Variants in ADGRV1 observed in about 807,000 individuals in gnomAD.
ADGRV1 encodes the protein G-protein coupled receptor 98.
ADGRV1 carries 359 observed loss-of-function variants against 596.2 expected under a neutral mutation model. That is an observed-to-expected ratio of 0.60 (90% confidence interval 0.55 to 0.66). The LOEUF (loss-of-function observed/expected upper bound fraction) is 0.66. Ranked by LOEUF, ADGRV1 falls within the 30% of genes least tolerant of loss-of-function variation. ADGRV1 has a pLI of 0.00. For synonymous variants in ADGRV1, 2,681 were observed against 2,679.2 expected, an observed-to-expected ratio of 1.00 and a Z score of -0.02; for missense variants, 7,274 against 7,575.6, an observed-to-expected ratio of 0.96 and a Z score of 1.48.
intron 59 of ADGRV1, among the ~76,000 whole-genome samples, chr5:90,765,470 C>CACACACACAG (rs546930616): frequency 1.0e-3 from 153 of 149,454 alleles, no homozygotes; most frequent in East Asian, 4.0e-3. Flanking sequence ...CACACACACA[C>CACACACACAG]AAACTCTAGA....
chr5:90,893,081 C>G (rs1241252026), intron 83 of ADGRV1, among the ~76,000 whole-genome samples: 1 of 152,006 alleles, frequency 6.6e-6, no homozygotes, highest in African/African-American at 2.4e-5. Context: ...AGTGGCTTTG[C>G]TAGGGAGTTT....
intron 6 of ADGRV1, 87 bp downstream of exon 6, chr5:90,625,330 C>A: frequency 2.8e-6 from 2 of 723,648 alleles, no homozygotes; most frequent in South Asian, 1.8e-5. Flanking sequence ...TGTGGCCAGT[C>A]GCACCTCAGC....
chr5:91,154,029 G>A (rs1332947740), intron 89 of ADGRV1, among the ~76,000 whole-genome samples: 2 of 152,222 alleles, frequency 1.3e-5, no homozygotes, highest in Non-Finnish European at 2.9e-5. Flanking sequence ...GAAACAGTTA[G>A]TGGATATCAT....
intron 85 of ADGRV1, among the ~76,000 whole-genome samples, chr5:91,043,896 A>G (rs902480814): frequency 6.6e-6 from 1 of 151,544 alleles, no homozygotes; most frequent in Non-Finnish European, 1.5e-5. Flanking sequence ...TAAAACCTTG[A>G]CCACCATCCA....
chr5:91,068,806 A>AAC (rs1183376792), intron 85 of ADGRV1, among the ~76,000 whole-genome samples: 1 of 102,384 alleles, frequency 9.8e-6, no homozygotes, highest in African/African-American at 3.6e-5. Context: ...ATATGAAACA[A>AAC]AAAAAAAAAA....
In ADGRV1 at chr5:91,163,893, A is replaced by T. The variant is rs1218864206; in HGVS notation, c.18914A>T (p.His6305Leu). Residue 6305 changes from histidine (H) to leucine (L), a missense_variant, in exon 90 of 90, where the codon CAC becomes CTC. By Grantham distance (99) the His-to-Leu change is moderately conservative (BLOSUM62 -3). This residue lies in a region of ADGRV1 where 1,874 missense variants were observed against 1,970.2 expected (regional missense o/e 0.95). Coordinates refer to ENST00000405460, the MANE Select transcript of ADGRV1 (RefSeq NM_032119.4). ...ELRRIPIADTHL is the reference protein window; with the variant it reads ...ELRRIPIADTLL ...AGGAGGATACCCATCGCCGACACTC[A>T]CCTGTAGCACCTCACTAACCATTCG... is the stretch of plus-strand genomic sequence containing the variant. 6.9e-7 allele frequency: 1 copy of T among 1,459,478 alleles called. No individual in the cohort carries two copies. The highest frequency in any genetic ancestry group is 2.3e-5 in the East Asian group (1 of 43,862). The allele number at this position is 1,459,478 out of a possible 1,614,324, so 90.4% of individuals were successfully genotyped here. A position where few individuals can be genotyped will look rare whatever the true frequency, so the allele number is the denominator to read the frequency against.
intron 83 of ADGRV1, among the ~76,000 whole-genome samples, chr5:90,927,077 G>T (rs1774564738): frequency 6.8e-6 from 1 of 147,182 alleles, no homozygotes; most frequent in African/African-American, 2.5e-5. Flanking sequence ...TTTGGAATAG[G>T]TGTGGTGTGG....
chr5:91,141,962 C>T (rs913307349), intron 87 of ADGRV1, among the ~76,000 whole-genome samples: 32 of 152,150 alleles, frequency 2.1e-4, no homozygotes, highest in African/African-American at 7.2e-4. Context: ...GTGACCATAC[C>T]GCCAGGAAGA....
At chr5:90,680,592 T>A (rs1469254373) in intron 26 of ADGRV1, among the ~76,000 whole-genome samples, 1 of 152,196 alleles carries the variant, frequency 6.6e-6, no homozygotes, top group Admixed American at 6.5e-5. Flanking sequence ...CCTTCTTTTT[T>A]CACAATGTCA....
intron 82 of ADGRV1, among the ~76,000 whole-genome samples, chr5:90,860,331 G>A (rs1581350354): frequency 6.6e-6 from 1 of 150,642 alleles, no homozygotes; most frequent in South Asian, 2.1e-4. Flanking sequence ...ACGGAGTTTC[G>A]CTCTTGTTGC....
intron 86 of ADGRV1, among the ~76,000 whole-genome samples, chr5:91,094,976 A>G (rs1407432412): frequency 1.3e-5 from 2 of 152,186 alleles, no homozygotes. Flanking sequence ...AGCCTGCTGC[A>G]ACAAATATTT....
chr5:91,103,123 A>G (rs553283627), intron 87 of ADGRV1, among the ~76,000 whole-genome samples: 37 of 152,346 alleles, frequency 2.4e-4, no homozygotes, highest in Non-Finnish European at 3.7e-4. Context: ...GAATTGTAGC[A>G]TACAATTGAA....
At chr5:90,959,488 A>G (rs1777782490) in intron 83 of ADGRV1, among the ~76,000 whole-genome samples, 1 of 152,216 alleles carries the variant, frequency 6.6e-6, no homozygotes, top group African/African-American at 2.4e-5. Context: ...ATGGAAATGC[A>G]AATGACTAAG....
chr5:90,672,757 C>T (rs1373792077), intron 22 of ADGRV1, 35 bp downstream of exon 22: 1 of 1,476,152 alleles, frequency 6.8e-7, no homozygotes, highest in East Asian at 2.3e-5. Context: ...TTGAAAGCCT[C>T]CTGGAAAGCT....
intron 67 of ADGRV1, among the ~76,000 whole-genome samples, chr5:90,787,852 A>G (rs1259291835): frequency 6.6e-6 from 1 of 152,004 alleles, no homozygotes; most frequent in Non-Finnish European, 1.5e-5. Flanking sequence ...CGGCCTCCCA[A>G]AGTGTTGGGA....
At chr5:90,801,309 T>A (rs1333785877) in intron 70 of ADGRV1, among the ~76,000 whole-genome samples, 1 of 152,142 alleles carries the variant, frequency 6.6e-6, no homozygotes, top group Admixed American at 6.6e-5. Flanking sequence ...ATCTGCCACA[T>A]CATACAAATC....
chr5:90,707,476 C>G (rs761989208), intron 38 of ADGRV1, among the ~76,000 whole-genome samples: 13 of 152,052 alleles, frequency 8.5e-5, no homozygotes, highest in Non-Finnish European at 1.3e-4. Flanking sequence ...GTGGTGTAAA[C>G]CATCTACCAA....
At chr5:90,703,907 A>C in intron 35 of ADGRV1, 112 bp downstream of exon 35, 4 of 746,464 alleles carry the variant, frequency 5.4e-6, no homozygotes, top group Non-Finnish European at 8.6e-6. Context: ...TCTCTTCTCC[A>C]GACCTACTTC....
intron 17 of ADGRV1, 80 bp from the exon 18 acceptor site, chr5:90,651,524 A>G (rs920370998): frequency 8.3e-7 from 1 of 1,210,062 alleles, no homozygotes; most frequent in African/African-American, 1.5e-5. Context: ...TTAATTGTAA[A>G]CTTTCTTAAT....
Sources: allele counts gnomAD v4.1 joint callset (sites outside exome capture counted in the v4.1 genomes callset), GRCh38; gene constraint gnomAD v4.1.1; regional missense constraint gnomAD v4.1.1; transcripts MANE v1.5; gene names NCBI Gene and HGNC (gene_info 2026-07-23, HGNC 2026-07-21).